TGFB1: variants seen among roughly 807,000 people sequenced by gnomAD.
TGFB1 encodes the protein transforming growth factor beta 1.
TGFB1 carries 19 observed loss-of-function variants against 43.8 expected under a neutral mutation model. That is an observed-to-expected ratio of 0.43 (90% CI 0.30 to 0.64). TGFB1 has a LOEUF of 0.64. Ranked by LOEUF, TGFB1 falls within the 30% of genes least tolerant of loss-of-function variation. TGFB1 has a pLI of 0.11. For synonymous variants in TGFB1, 221 were observed against 236.3 expected, an observed-to-expected ratio of 0.94 and a Z score of 0.60; for missense variants, 445 against 529.8, an observed-to-expected ratio of 0.84 and a Z score of 1.57.
rs199592796 is a variant in TGFB1 at position 41,352,805 on chromosome 19, C to T, written c.240G>A (p.Leu80=). Residue 80 remains leucine (L), a synonymous_variant, in exon 1 of 7, where the codon CTG becomes CTA. Transcript: ENST00000221930. The stretch of plus-strand genomic sequence containing the variant: ...CCACCCGGTCGCGGGTGCTGTTGTA[C>T]AGGGCGAGCACGGCCTCGGGCAGCG... ...PGPLPEAVLA[L]YNSTRDRVAG... is the part of the protein sequence containing the mutation. 3.8e-5 allele frequency: 61 copies of T among 1,606,542 alleles called. No individual in the cohort carries two copies. The highest frequency in any genetic ancestry group is 5.0e-5 in the Non-Finnish European group (59 of 1,176,390).
rs1326559874 is a variant in TGFB1, at chr19:41,331,276, C to G, written c.1015-66G>C. ...GGGAGGAAAACGGCCCTCCACTGCC[C>G]CATCCCCCACCCGCTACCGCGCCAG... On this transcript the variant is annotated intron_variant, in intron 6 of 6. Transcript: ENST00000221930. 3 of 1,430,620 alleles carry G rather than the reference C, an allele frequency of 2.1e-6. No homozygotes were observed. The African/African-American group carries it at 4.4e-5, about 21-fold the overall frequency. 88.6% of individuals were successfully genotyped at this position (1,430,620 alleles called of 1,614,324 possible).
At chr19:41,331,902 A>C (rs2037936162) in intron 6 of TGFB1, among the ~76,000 whole-genome samples, 3 of 142,328 alleles carry the variant, frequency 2.1e-5, no homozygotes, top group South Asian at 2.2e-4. Flanking sequence ...CTGTTACTTC[A>C]CTCTGTGGGT....
At chr19:41,337,575 C>T (rs2038001856) in intron 5 of TGFB1, among the ~76,000 whole-genome samples, 1 of 152,030 alleles carries the variant, frequency 6.6e-6, no homozygotes, top group African/African-American at 2.4e-5. Flanking sequence ...CCATACCTGG[C>T]CTCTCTTAGG....
chr19:41,332,009 C>A (rs2037937104), intron 6 of TGFB1, 119 bp downstream of exon 6: 2 of 1,311,148 alleles, frequency 1.5e-6, no homozygotes, highest in Non-Finnish European at 2.1e-6. Context: ...CCCACCCCAT[C>A]CCTCTCTTTC....
At position 41,353,134 on chromosome 19, in the gene TGFB1, C is replaced by T; in HGVS notation, c.-90G>A. On this transcript the variant is annotated 5_prime_UTR_variant, in exon 1 of 7. Coordinates refer to ENST00000221930, the MANE Select transcript of TGFB1 (RefSeq NM_000660.7). The surrounding 1 kb of genome is among the most constrained non-coding windows in gnomAD (Gnocchi z 5.9). ...CGCCCCTGCAGGGGCTGGGGGTCTC[C>T]CGGCAAAAGGTAGGAGGGCCTCGAG... 1 of 1,409,530 alleles carries T rather than the reference C, an allele frequency of 7.1e-7. No homozygotes were observed. The highest frequency in any genetic ancestry group is 1.5e-5 in the African/African-American group (1 of 67,180). 87.3% of individuals were successfully genotyped at this position (1,409,530 alleles called of 1,614,324 possible).
At chr19:41,342,320 G>A (rs1271561738) in intron 3 of TGFB1, 73 bp from the exon 4 acceptor site, 1 of 1,487,050 alleles carries the variant, frequency 6.7e-7, no homozygotes, top group East Asian at 2.5e-5. Context: ...AGGAAGGAAG[G>A]AGCAAACCCC....
intron 2 of TGFB1, 125 bp from the exon 3 acceptor site, chr19:41,344,989 C>T: frequency 1.2e-6 from 1 of 854,870 alleles, no homozygotes; most frequent in South Asian, 1.4e-5. Flanking sequence ...CCAGGCACTA[C>T]CCTCTCAGAC....
chr19:41,344,644 A>G, intron 3 of TGFB1, 103 bp downstream of exon 3: 1 of 1,057,614 alleles, frequency 9.5e-7, no homozygotes, highest in Non-Finnish European at 1.5e-6. Context: ...GCACTTTCAC[A>G]CCAGTATGGG....
intron 2 of TGFB1, 64 bp downstream of exon 2, chr19:41,348,231 C>T (rs1270656263): frequency 6.3e-6 from 10 of 1,599,716 alleles, no homozygotes; most frequent in Non-Finnish European, 8.5e-6. Flanking sequence ...CACAGCCACC[C>T]CCTTGGTCAC....
Position 41,352,996 on chromosome 19 carries a change from A to G in TGFB1, c.49T>C (p.Trp17Arg). The G allele has an allele frequency of 6.5e-7, 1 of 1,537,408 alleles. No homozygotes were observed. The highest frequency in any genetic ancestry group is 1.2e-5 in the South Asian group (1 of 84,120). ...CGGCCAGGCGTCAGCACCAGTAGCC[A>G]CAGCAGCGGTAGCAGCAGCGGCAGC... The part of the protein sequence containing the change: ...RLLPLLLPLL[W>R]LLVLTPGRPA... The change falls in exon 1 of 7, where the codon TGG becomes CGG. Residue 17 changes from tryptophan to arginine, a missense_variant. Transcript: ENST00000221930.
At chr19:41,338,007 C>T (rs2038006953) in intron 5 of TGFB1, among the ~76,000 whole-genome samples, 1 of 152,012 alleles carries the variant, frequency 6.6e-6, no homozygotes, top group African/African-American at 2.4e-5. Flanking sequence ...GCCTGGCCAA[C>T]ATGGTGAAAC....
At position 41,350,365 on chromosome 19, in the gene TGFB1, C is replaced by T. The variant is rs564208859; in HGVS notation, c.356-1910G>A. ...TGTCGCCCAGGCTGGAGTGCAGTGG[C>T]GCGATCTTGGCTCATAGCAACCTCT... On this transcript the variant is annotated intron_variant, in intron 1 of 6. Transcript: ENST00000221930. Among the ~76,000 whole-genome samples, 3 of 143,242 alleles carry T rather than the reference C, an allele frequency of 2.1e-5. No individual in the cohort carries two copies. The South Asian group carries it at 6.5e-4, about 31-fold the overall frequency. The allele number at this position is 143,242 out of a possible 152,430, so 94.0% of individuals were successfully genotyped here.
chr19:41,345,910 A>T (rs1043686616), intron 2 of TGFB1, among the ~76,000 whole-genome samples: 5 of 152,092 alleles, frequency 3.3e-5, no homozygotes, highest in African/African-American at 1.2e-4. Flanking sequence ...TCAAAAAAAA[A>T]AAAAGTCATT....
At chr19:41,340,256 T>C (rs923791717) in intron 5 of TGFB1, among the ~76,000 whole-genome samples, 9 of 54,206 alleles carry the variant, frequency 1.7e-4, no homozygotes, top group South Asian at 6.7e-4. Context: ...TCTTTCTTTT[T>C]TTTTTTTTTT....
chr19:41,331,231 C>T (rs1481701633), intron 6 of TGFB1, 21 bp from the exon 7 acceptor site: 1 of 1,491,700 alleles, frequency 6.7e-7, no homozygotes, highest in Admixed American at 2.2e-5. Flanking sequence ...CGGGCGGGGT[C>T]AGGGCTCAGG....
chr19:41,346,372 G>A (rs567494199), intron 2 of TGFB1, among the ~76,000 whole-genome samples: 1 of 152,172 alleles, frequency 6.6e-6, no homozygotes, highest in East Asian at 1.9e-4. Flanking sequence ...AAAAAAAGAA[G>A]AATTTTCTGG....
At position 41,352,697 on chromosome 19, in the gene TGFB1, G is replaced by A. The variant is rs56281462; in HGVS notation, c.348C>T (p.Thr116=). 5,562 of 1,613,470 alleles carry A rather than the reference G, an allele frequency of 3.4e-3. 25 individuals carry two copies. The highest frequency in any genetic ancestry group is 4.0e-3 in the Non-Finnish European group (4,728 of 1,179,884). ...CTGCCCCTCCGAGCTCACCGTTGTG[G>A]GTTTCCACCATTAGCACGCGGGTGA... The part of the protein sequence containing the change: ...KEVTRVLMVE[T]HNEIYDKFKQ... Residue 116 remains threonine (T), a synonymous_variant, in exon 1 of 7, where the codon ACC becomes ACT. Transcript: ENST00000221930.
In TGFB1 at chr19:41,353,202, G is replaced by A; in HGVS notation, c.-158C>T. 7.6e-6 allele frequency: 7 copies of A among 923,648 alleles called. No individual in the cohort carries two copies. The highest frequency in any genetic ancestry group is 9.3e-6 in the Non-Finnish European group (6 of 646,704). 57.2% of individuals were successfully genotyped at this position (923,648 alleles called of 1,614,324 possible). On this transcript the variant is annotated 5_prime_UTR_variant, in exon 1 of 7. Transcript: ENST00000221930. The surrounding 1 kb of genome is among the most constrained non-coding windows in gnomAD (Gnocchi z 5.9). ...AGGGAGAAGGGCGCAGTGGTGGAGG[G>A]GAGGCTTGGACCGGGGGTGTCTCAG... is the stretch of plus-strand genomic sequence containing the variant.
chr19:41,349,500 T>A lies in TGFB1; in HGVS notation c.356-1045A>T, dbSNP rs1010089184. Among the ~76,000 whole-genome samples, 28 of 152,244 alleles carry A rather than the reference T, an allele frequency of 1.8e-4. 2 individuals carry two copies. On this transcript the variant is annotated intron_variant, in intron 1 of 6. Transcript: ENST00000221930. The stretch of plus-strand genomic sequence containing the variant: ...GGCTGGGCGCAGTGGCTCACGCCTG[T>A]AATCCCAGCACTTTGGGAGGCCGAG...
Sources: allele counts gnomAD v4.1 joint callset (sites outside exome capture counted in the v4.1 genomes callset), GRCh38; gene constraint gnomAD v4.1.1; non-coding constraint Gnocchi (gnomAD v3.1); transcripts MANE v1.5; gene names NCBI Gene and HGNC (gene_info 2026-07-23, HGNC 2026-07-21).